The following KAT6A variants were observed in gnomAD, a reference collection of about 807,000 sequenced individuals.
The protein encoded by KAT6A is histone acetyltransferase KAT6A.
A neutral mutation model predicts 198.4 loss-of-function variants in KAT6A; 9 were observed. The observed-to-expected ratio is 0.05, with a 90% CI of 0.03 to 0.08. The LOEUF is 0.08. Among genes scored for constraint, KAT6A ranks in the 10% least tolerant of loss-of-function variants. The pLI is 1.00. For synonymous variants in KAT6A, 890 were observed against 883.0 expected (o/e 1.01, Z -0.14); for missense variants, 2,077 against 2,509.9 (o/e 0.83, Z 3.69).
intron 2 of KAT6A, among the ~76,000 whole-genome samples, chr8:42,044,261 G>C (rs531127846): frequency 1.3e-5 from 2 of 151,720 alleles, no homozygotes; most frequent in Non-Finnish European, 2.9e-5. Context: ...CCATCATGCC[G>C]GGCTGATTTT....
At chr8:41,979,808 C>T (rs1039982889) in intron 5 of KAT6A, among the ~76,000 whole-genome samples, 2 of 152,224 alleles carry the variant, frequency 1.3e-5, no homozygotes, top group South Asian at 4.1e-4. Context: ...CAAGACGAGC[C>T]TGGCCAACAT....
At chr8:42,015,903 G>T (rs118112432) in intron 2 of KAT6A, among the ~76,000 whole-genome samples, 4,472 of 152,314 alleles carry the variant, frequency 0.029, 89 homozygotes, top group Non-Finnish European at 0.045. Context: ...TCTAGACATA[G>T]ACTTTTCCAA....
chr8:42,042,502 T>C (rs1453775159), intron 2 of KAT6A, among the ~76,000 whole-genome samples: 1 of 152,114 alleles, frequency 6.6e-6, no homozygotes, highest in Non-Finnish European at 1.5e-5. Flanking sequence ...ATTTAAATTC[T>C]AAATTCCTGT....
chr8:42,023,134 T>C (rs763438582), intron 2 of KAT6A, among the ~76,000 whole-genome samples: 1 of 152,154 alleles, frequency 6.6e-6, no homozygotes, highest in African/African-American at 2.4e-5. Context: ...TATCTAAACA[T>C]AGAAAAGGAA....
intron 2 of KAT6A, among the ~76,000 whole-genome samples, chr8:41,999,706 C>T (rs996831798): frequency 2.6e-5 from 4 of 152,182 alleles, no homozygotes; most frequent in Admixed American, 1.3e-4. Flanking sequence ...TCATACTTTA[C>T]GCTCATTCTC....
chr8:42,048,262 T>G, intron 2 of KAT6A, 116 bp downstream of exon 2: 2 of 1,034,266 alleles, frequency 1.9e-6, no homozygotes, highest in Non-Finnish European at 2.9e-6. Flanking sequence ...AAACCAGAGG[T>G]GATCACTCCA....
intron 3 of KAT6A, among the ~76,000 whole-genome samples, 168 bp downstream of exon 3, chr8:41,987,287 C>T (rs368073114): frequency 2.0e-5 from 3 of 152,156 alleles, no homozygotes; most frequent in African/African-American, 4.8e-5. Flanking sequence ...GATGTTCACA[C>T]GATGATGAAA....
In KAT6A at chr8:41,932,897, G is replaced by C. The variant is rs549251251; in HGVS notation, c.5323C>G (p.Pro1775Ala). Residue 1775 changes from proline to alanine, a missense_variant, in exon 17 of 17, where the codon CCT becomes GCT. Transcript: ENST00000265713. ...CTGGTTGCATAGGAAGTCACAGCAGGAGAATGGCTATAAGGCATGGCATGA... is the reference window on the plus strand; with the variant it reads ...CTGGTTGCATAGGAAGTCACAGCAGCAGAATGGCTATAAGGCATGGCATGA... ...DPHAMPYSHS[P>A]AVTSYATSVS... The C allele has an allele frequency of 3.1e-6, 5 of 1,614,166 alleles. No individual in the cohort carries two copies. In the African/African-American group the frequency reaches 6.7e-5, roughly 22 times the overall value.
intron 6 of KAT6A, 30 bp from the exon 7 acceptor site, chr8:41,977,357 T>C (rs913387591): frequency 6.5e-7 from 1 of 1,529,776 alleles, no homozygotes; most frequent in Non-Finnish European, 8.9e-7. Context: ...AAAGGGTAAG[T>C]ATTAAAAAAG....
Position 41,977,011 on chromosome 8 carries a change from T to C in KAT6A, c.1360A>G (p.Thr454Ala), listed in dbSNP as rs370614449. 6 of 1,598,934 alleles carry C rather than the reference T, an allele frequency of 3.8e-6. No homozygotes were observed. In the African/African-American group the frequency reaches 6.7e-5, roughly 18 times the overall value. Residue 454 changes from threonine to alanine, a missense_variant, in exon 7 of 17, where the codon ACA becomes GCA. Coordinates refer to ENST00000265713, the MANE Select transcript of KAT6A (RefSeq NM_006766.5). ...TAAGTCTGTTCTAAACTCTTACCTG[T>C]GGGCCAATCTGAAGTGCTTGATTTC... ...NRKSSTSDWP[T>A]DNQDGWDGKQ...
At chr8:41,950,198 A>G (rs2150868149) in intron 9 of KAT6A, among the ~76,000 whole-genome samples, 1 of 152,324 alleles carries the variant, frequency 6.6e-6, no homozygotes, top group Non-Finnish European at 1.5e-5. Context: ...TTTCCACTGC[A>G]TTCTGCCTCA....
chr8:42,015,626 T>C (rs942380984), intron 2 of KAT6A, among the ~76,000 whole-genome samples: 1 of 152,362 alleles, frequency 6.6e-6, no homozygotes, highest in African/African-American at 2.4e-5. Flanking sequence ...TGTACTATTC[T>C]ATCCTTTCAG....
At chr8:42,035,463 G>A (rs942255122) in intron 2 of KAT6A, among the ~76,000 whole-genome samples, 3 of 152,142 alleles carry the variant, frequency 2.0e-5, no homozygotes, top group Non-Finnish European at 4.4e-5. Context: ...AATAACTCAG[G>A]AAAGTTATCT....
Position 41,942,840 on chromosome 8 carries a change from C to T in KAT6A, c.2389G>A (p.Gly797Arg). 1 of 1,614,150 alleles carries T rather than the reference C, an allele frequency of 6.2e-7. No individual in the cohort carries two copies. Among genetic ancestry groups the T allele is most frequent in the Admixed American group, 1.7e-5 (1 of 60,028 alleles). Residue 797 changes from glycine to arginine, a missense_variant, in exon 14 of 17, where the codon GGA becomes AGA. Transcript: ENST00000265713. ...SEEEEEEAEE[G>R]ENEEPQCQER... is the part of the protein sequence containing the mutation. ...TGGCACTGTGGCTCTTCGTTTTCTC[C>T]TTCCTCAGCCTCCTCTTCTTCCTCC...
At chr8:42,017,108 C>CAGTG (rs748862645) in intron 2 of KAT6A, among the ~76,000 whole-genome samples, 10 of 152,158 alleles carry the variant, frequency 6.6e-5, no homozygotes, top group Non-Finnish European at 8.8e-5. Flanking sequence ...GTCAGCCTTA[C>CAGTG]AGTGGACTCA....
chr8:41,969,778 G>T (rs1158371939), intron 8 of KAT6A, among the ~76,000 whole-genome samples: 1 of 152,010 alleles, frequency 6.6e-6, no homozygotes, highest in Non-Finnish European at 1.5e-5. Context: ...TTCACCTTAT[G>T]CAACTCTTCT....
chr8:41,953,070 G>A (rs1822744494), intron 9 of KAT6A, among the ~76,000 whole-genome samples: 1 of 152,048 alleles, frequency 6.6e-6, no homozygotes, highest in African/African-American at 2.4e-5. Flanking sequence ...GTTATTTTTT[G>A]ATGGCATTAT....
chr8:41,956,315 T>C (rs1822915371), intron 8 of KAT6A, among the ~76,000 whole-genome samples: 1 of 152,168 alleles, frequency 6.6e-6, no homozygotes, highest in South Asian at 2.1e-4. Flanking sequence ...ATATCATGGA[T>C]GCTCTACAAA....
chr8:41,973,281 T>C (rs909335369), intron 8 of KAT6A, among the ~76,000 whole-genome samples: 6 of 151,410 alleles, frequency 4.0e-5, no homozygotes, highest in Non-Finnish European at 5.9e-5. Flanking sequence ...GCTGGAGTGG[T>C]GTGGCACGAT....
Sources: gnomAD v4.1 joint callset for allele counts (sites outside exome capture counted in the v4.1 genomes callset) on GRCh38, gnomAD v4.1.1 for gene constraint, MANE v1.5 for transcripts, NCBI Gene and HGNC (gene_info 2026-07-23, HGNC 2026-07-21) for gene names.